Variants in LDLRAD4 observed in about 807,000 individuals in gnomAD.
The protein encoded by LDLRAD4 is low-density lipoprotein receptor class A domain-containing protein 4.
LDLRAD4 carries 5 observed loss-of-function variants against 17.0 expected under a neutral mutation model. That is an observed-to-expected ratio of 0.29 (90% CI 0.15 to 0.62). LDLRAD4 has a LOEUF of 0.62. Among genes scored for constraint, LDLRAD4 ranks in the 20% least tolerant of loss-of-function variants. LDLRAD4 has a pLI of 0.84. For synonymous variants in LDLRAD4, 168 were observed against 171.8 expected (o/e 0.98, Z 0.17); for missense variants, 340 against 424.7 (o/e 0.80, Z 1.75).
intron 3 of LDLRAD4, among the ~76,000 whole-genome samples, chr18:13,486,146 C>T (rs1243509056): frequency 6.6e-6 from 1 of 152,146 alleles, no homozygotes; most frequent in African/African-American, 2.4e-5. Flanking sequence ...ATTTTAACCC[C>T]GTTCTCTGCT....
At chr18:13,358,357 A>G (rs1450463169) in intron 1 of LDLRAD4, among the ~76,000 whole-genome samples, 1 of 151,728 alleles carries the variant, frequency 6.6e-6, no homozygotes, top group Non-Finnish European at 1.5e-5. Flanking sequence ...ATATAGAGAG[A>G]GATTATATGT....
intron 1 of LDLRAD4, among the ~76,000 whole-genome samples, chr18:13,320,641 C>A (rs866258634): frequency 5.9e-5 from 9 of 152,314 alleles, no homozygotes; most frequent in African/African-American, 2.2e-4. Flanking sequence ...ATCTTCTGTC[C>A]TGTGACGGTG....
At chr18:13,397,396 G>A (rs1432905533) in intron 2 of LDLRAD4, among the ~76,000 whole-genome samples, 3 of 152,100 alleles carry the variant, frequency 2.0e-5, no homozygotes, top group African/African-American at 7.2e-5. Context: ...ACCCACCTCG[G>A]CCTCCCAAAC....
intron 3 of LDLRAD4, chr18:13,562,739 G>A (rs1251628540): frequency 6.6e-6 from 1 of 152,250 alleles, no homozygotes; most frequent in Admixed American, 6.5e-5. Context: ...AAAATATCCA[G>A]TGAAGGCTGT....
At chr18:13,610,283 TTTTTTTTTTTTTTTTTTTTTTTG>T (rs2039391214) in intron 3 of LDLRAD4, among the ~76,000 whole-genome samples, 4 of 52,712 alleles carry the variant, frequency 7.6e-5, no homozygotes, top group Non-Finnish European at 1.6e-4. Flanking sequence ...TTTTTTTTTT[TTTTTTTTTTTTTTTTTTTTTTTG>T]AGACGGAGTC....
chr18:13,595,195 T>C (rs2095079813), intron 3 of LDLRAD4, among the ~76,000 whole-genome samples: 1 of 152,110 alleles, frequency 6.6e-6, no homozygotes. Context: ...ATGTTGATTT[T>C]CTCTATTTTT....
chr18:13,361,727 A>G (rs1434780391), intron 1 of LDLRAD4, among the ~76,000 whole-genome samples: 5 of 152,122 alleles, frequency 3.3e-5, no homozygotes, highest in African/African-American at 9.7e-5. Flanking sequence ...GACAGTTGCA[A>G]CAGTTTGTAG....
chr18:13,499,515 G>GTA, intron 3 of LDLRAD4, among the ~76,000 whole-genome samples: 1 of 129,632 alleles, frequency 7.7e-6, no homozygotes, highest in East Asian at 2.4e-4. Flanking sequence ...TGCCACACAC[G>GTA]TCCCGCCGTG....
intron 3 of LDLRAD4, among the ~76,000 whole-genome samples, chr18:13,531,585 A>T (rs2147821790): frequency 1.9e-5 from 1 of 52,106 alleles, no homozygotes; most frequent in South Asian, 9.7e-4. Flanking sequence ...GCAAGACTCC[A>T]TCTTTTTTTT....
At chr18:13,497,583 C>T (rs965031445) in intron 3 of LDLRAD4, among the ~76,000 whole-genome samples, 3 of 151,858 alleles carry the variant, frequency 2.0e-5, no homozygotes, top group African/African-American at 7.3e-5. Context: ...GTATTTTTAA[C>T]CCTTTTTAAT....
chr18:13,476,733 G>A (rs577008390), intron 3 of LDLRAD4, among the ~76,000 whole-genome samples: 2 of 152,244 alleles, frequency 1.3e-5, no homozygotes, highest in African/African-American at 2.4e-5. Flanking sequence ...CCACACAGAG[G>A]CCAAGAGCCT....
chr18:13,481,186 CAGA>C (rs756204669), intron 3 of LDLRAD4, among the ~76,000 whole-genome samples: 5 of 152,232 alleles, frequency 3.3e-5, no homozygotes, highest in Admixed American at 6.5e-5. Context: ...TCTGCCCTAT[CAGA>C]AGATGGGCAA....
chr18:13,627,823 C>T (rs1430998164), intron 4 of LDLRAD4, among the ~76,000 whole-genome samples: 1 of 152,252 alleles, frequency 6.6e-6, no homozygotes, highest in African/African-American at 2.4e-5. Context: ...AGCCTCTCTG[C>T]TGGCCTTGGG....
At chr18:13,519,179 C>CTTT (rs1434855330) in intron 3 of LDLRAD4, among the ~76,000 whole-genome samples, 2 of 152,230 alleles carry the variant, frequency 1.3e-5, no homozygotes, top group Non-Finnish European at 2.9e-5. Context: ...GTATTGCTTA[C>CTTT]TTTTTCTTAC....
intron 1 of LDLRAD4, among the ~76,000 whole-genome samples, chr18:13,259,008 T>G (rs937109382): frequency 6.6e-6 from 1 of 152,236 alleles, no homozygotes; most frequent in Admixed American, 6.5e-5. Flanking sequence ...ATTGAGTATT[T>G]AGGTCAATGA....
intron 1 of LDLRAD4, among the ~76,000 whole-genome samples, chr18:13,381,538 A>G (rs1039764564): frequency 2.0e-5 from 3 of 152,130 alleles, no homozygotes; most frequent in Non-Finnish European, 2.9e-5. Flanking sequence ...TGGGTCCCCT[A>G]CCTGGGGCTC....
At chr18:13,559,498 G>T (rs1259582061) in intron 3 of LDLRAD4, among the ~76,000 whole-genome samples, 1 of 152,122 alleles carries the variant, frequency 6.6e-6, no homozygotes, top group Non-Finnish European at 1.5e-5. Context: ...TTTCTAAGTA[G>T]GTGTGTGAAT....
intron 3 of LDLRAD4, among the ~76,000 whole-genome samples, chr18:13,577,070 C>T (rs2094784228): frequency 9.7e-6 from 1 of 102,920 alleles, no homozygotes; most frequent in Admixed American, 1.2e-4. Context: ...TTTTTATTTG[C>T]GGTTTAGCAT....
chr18:13,230,690 G>A (rs919846487), intron 1 of LDLRAD4, among the ~76,000 whole-genome samples: 3 of 152,160 alleles, frequency 2.0e-5, no homozygotes, highest in Non-Finnish European at 2.9e-5. Context: ...GGGTGTCTGC[G>A]AGTGTCATGG....
Sources: allele counts gnomAD v4.1 joint callset (sites outside exome capture counted in the v4.1 genomes callset), GRCh38; gene constraint gnomAD v4.1.1; transcripts MANE v1.5; gene names NCBI Gene and HGNC (gene_info 2026-07-23, HGNC 2026-07-21).